KMT5A: variants seen among roughly 807,000 people sequenced by gnomAD.
The protein encoded by KMT5A is N-lysine methyltransferase KMT5A.
KMT5A carries 6 observed loss-of-function variants against 40.6 expected under a neutral mutation model. The observed-to-expected ratio is 0.15, with a 90% CI of 0.08 to 0.29. The LOEUF is 0.29. Among genes scored for constraint, KMT5A ranks in the 10% least tolerant of loss-of-function variants. The probability of loss-of-function intolerance (pLI) is 1.00; values close to 1 mark genes in which losing one functional copy is unlikely to be tolerated. For missense variants in KMT5A, 308 were observed against 459.1 expected (o/e 0.67, Z 3.01); for synonymous variants, 153 against 178.8 (o/e 0.86, Z 1.15).
intron 3 of KMT5A, among the ~76,000 whole-genome samples, chr12:123,394,331 G>T (rs1472971429): frequency 6.6e-6 from 1 of 152,032 alleles, no homozygotes; most frequent in Non-Finnish European, 1.5e-5. Flanking sequence ...TTGAACTCCC[G>T]ACCTCAGGTG....
chr12:123,390,201 C>A, intron 2 of KMT5A: 1 of 456,832 alleles, frequency 2.2e-6, no homozygotes, highest in East Asian at 6.9e-5. Flanking sequence ...GGCCCTCCAG[C>A]CGCCCTCAGC....
chr12:123,396,526 T>G, intron 5 of KMT5A, 94 bp downstream of exon 5: 9 of 1,192,516 alleles, frequency 7.5e-6, no homozygotes, highest in Non-Finnish European at 4.9e-6. Context: ...CTCAGCCTTG[T>G]TTTCGTCATC....
rs1169203145 is a variant in KMT5A at position 123,384,284 on chromosome 12, C to A, written c.10+76C>A. The A allele has an allele frequency of 2.5e-6, 4 of 1,582,596 alleles. No homozygotes were observed. Among genetic ancestry groups the A allele is most frequent in the Admixed American group, 3.5e-5 (2 of 57,064 alleles). ...GGAGGGGTTGCCGGGGTGGAGGCAG[C>A]GGCTGCGGGGAGGCGTCCTCCTCGG... On this transcript the variant is annotated intron_variant, in intron 1 of 7. Transcript: ENST00000402868. The surrounding 1 kb of genome is among the most constrained non-coding windows in gnomAD (Gnocchi z 5.7).
At position 123,401,305 on chromosome 12, in the gene KMT5A, T is replaced by C. The variant is rs572326306; in HGVS notation, c.598-2268T>C. Among the ~76,000 whole-genome samples, 20 of 150,026 alleles carry C rather than the reference T, an allele frequency of 1.3e-4. No homozygotes were observed. The South Asian group carries it at 2.5e-3, about 19-fold the overall frequency. ...CTGGGACTACAGGTGCCCACCACCA[T>C]GCCCGGCTAATTTTTTGTATTTTTA... On this transcript the variant is annotated intron_variant, in intron 5 of 7. Coordinates refer to ENST00000402868, the MANE Select transcript of KMT5A (RefSeq NM_020382.7).
chr12:123,390,579 C>G, intron 2 of KMT5A, 51 bp from the exon 3 acceptor site: 1 of 1,599,502 alleles, frequency 6.3e-7, no homozygotes, highest in Non-Finnish European at 8.5e-7. Flanking sequence ...CGTGAATGCT[C>G]TAGGATCTTC....
chr12:123,407,711 G>C lies in KMT5A; in HGVS notation c.*8G>C. 8 of 1,605,988 alleles carry C rather than the reference G, an allele frequency of 5.0e-6. No individual in the cohort carries two copies. Among genetic ancestry groups the C allele is most frequent in the Non-Finnish European group, 6.8e-6 (8 of 1,175,614 alleles). ...CCGTGGCTGAAGCATTAACCGGTGG[G>C]CCCCGTGCCCTCCCCGCCCCACTTT... On this transcript the variant is annotated 3_prime_UTR_variant, in exon 8 of 8. Coordinates refer to ENST00000402868, the MANE Select transcript of KMT5A (RefSeq NM_020382.7).
intron 1 of KMT5A, among the ~76,000 whole-genome samples, chr12:123,385,803 G>A (rs986172105): frequency 1.3e-5 from 2 of 152,078 alleles, no homozygotes; most frequent in Non-Finnish European, 2.9e-5. Flanking sequence ...AGTGAGCCGA[G>A]ATTACGTCAC....
Position 123,384,274 on chromosome 12 carries a change from G to T in KMT5A, c.10+66G>T. 11 of 1,598,924 alleles carry T rather than the reference G, an allele frequency of 6.9e-6. No homozygotes were observed. The highest frequency in any genetic ancestry group is 9.4e-6 in the Non-Finnish European group (11 of 1,174,570). On this transcript the variant is annotated intron_variant, in intron 1 of 7. Coordinates refer to ENST00000402868, the MANE Select transcript of KMT5A (RefSeq NM_020382.7). The surrounding 1 kb of genome is among the most constrained non-coding windows in gnomAD (Gnocchi z 5.7). ...GGGTCGTGCTGGAGGGGTTGCCGGG[G>T]TGGAGGCAGCGGCTGCGGGGAGGCG...
intron 2 of KMT5A, 53 bp downstream of exon 2, chr12:123,389,607 G>A: frequency 9.5e-7 from 1 of 1,056,102 alleles, no homozygotes; most frequent in Non-Finnish European, 1.1e-6. Flanking sequence ...GGCCGGGGCC[G>A]CGAGCACATG....
intron 7 of KMT5A, among the ~76,000 whole-genome samples, chr12:123,406,706 C>T (rs990639831): frequency 2.0e-5 from 3 of 152,080 alleles, no homozygotes; most frequent in African/African-American, 4.8e-5. Flanking sequence ...CCCATCCCCC[C>T]ACCCAGGGCC....
At chr12:123,389,787 G>A (rs1490200212) in intron 2 of KMT5A, among the ~76,000 whole-genome samples, 1 of 152,108 alleles carries the variant, frequency 6.6e-6, no homozygotes, top group Non-Finnish European at 1.5e-5. Context: ...TACTTCCCCG[G>A]AGGTGGCCGC....
At position 123,407,700 on chromosome 12, in the gene KMT5A, T is replaced by G; in HGVS notation, c.1056T>G (p.His352Gln). ...ASIEAHPWLK[H>Q] ...TTGAAGCCCACCCGTGGCTGAAGCA[T>G]TAACCGGTGGGCCCCGTGCCCTCCC... is the stretch of plus-strand genomic sequence containing the variant. The change falls in exon 8 of 8, where the codon CAT becomes CAG. Residue 352 changes from histidine to glutamine, a missense_variant. Physicochemically the swap from His to Gln is conservative, Grantham distance 24. Transcript: ENST00000402868. 6.2e-7 allele frequency: 1 copy of G among 1,612,178 alleles called. No individual in the cohort carries two copies. The highest frequency in any genetic ancestry group is 8.5e-7 in the Non-Finnish European group (1 of 1,179,092).
In KMT5A at chr12:123,404,751, A is replaced by C. The variant is rs1383871565; in HGVS notation, c.658-133A>C. 6.0e-6 allele frequency: 5 copies of C among 826,460 alleles called. No homozygotes were observed. In the East Asian group the frequency reaches 7.7e-5, roughly 13 times the overall value. 51.2% of individuals were successfully genotyped at this position (826,460 alleles called of 1,614,324 possible). On this transcript the variant is annotated intron_variant, in intron 6 of 7. Coordinates refer to ENST00000402868, the MANE Select transcript of KMT5A (RefSeq NM_020382.7). The stretch of plus-strand genomic sequence containing the variant: ...AAAACCCATCAGCCTGTACATGTAA[A>C]GTGAGTGAATTTTATGACATGGCTC...
At chr12:123,390,151 G>T in intron 2 of KMT5A, 2 of 466,410 alleles carry the variant, frequency 4.3e-6, no homozygotes, top group South Asian at 3.1e-5. Context: ...TTTGAGAGGG[G>T]TCAGGCTCCG....
chr12:123,388,513 C>T (rs1054033339), intron 1 of KMT5A: 7 of 152,162 alleles, frequency 4.6e-5, no homozygotes, highest in Admixed American at 3.3e-4. Context: ...TTCTGTGGCC[C>T]GGGACAAACC....
intron 7 of KMT5A, among the ~76,000 whole-genome samples, chr12:123,407,288 G>A (rs1012606409): frequency 2.2e-4 from 34 of 151,992 alleles, no homozygotes; most frequent in African/African-American, 8.0e-4. Flanking sequence ...GCAGTGAGCC[G>A]TGATCGTGCC....
In KMT5A at chr12:123,384,374, GC is replaced by G. The variant is rs894868817; in HGVS notation, c.10+173del. Among the ~76,000 whole-genome samples, 1 of 152,134 alleles carries G rather than the reference GC, an allele frequency of 6.6e-6. No homozygotes were observed. Among genetic ancestry groups the G allele is most frequent in the Non-Finnish European group, 1.5e-5 (1 of 68,012 alleles). On this transcript the variant is annotated intron_variant, in intron 1 of 7. Transcript: ENST00000402868. This position sits in a 1 kb window ranked among gnomAD's most constrained non-coding sequence, Gnocchi z 5.7. ...GGGGGTGCTGCTGCGGAACCCGCCG[GC>G]CCCCCCTTGCGGCTCCAGATGCCCC...
At chr12:123,389,929 T>TA (rs893849887) in intron 2 of KMT5A, 10 of 397,894 alleles carry the variant, frequency 2.5e-5, no homozygotes, top group Non-Finnish European at 9.9e-6. Context: ...CGTCTGTACT[T>TA]ACTCAGAGGA....
chr12:123,403,779 C>A, intron 6 of KMT5A, 147 bp downstream of exon 6: 3 of 762,078 alleles, frequency 3.9e-6, no homozygotes, highest in South Asian at 1.9e-5. Context: ...GTCAAAGAGC[C>A]AAATACCAAA....
Sources: gnomAD v4.1 joint callset for allele counts (sites outside exome capture counted in the v4.1 genomes callset) on GRCh38, gnomAD v4.1.1 for gene constraint, Gnocchi (gnomAD v3.1) non-coding constraint, MANE v1.5 for transcripts, NCBI Gene and HGNC (gene_info 2026-07-23, HGNC 2026-07-21) for gene names.